The following NEK7 variants were observed in gnomAD, a reference collection of about 807,000 sequenced individuals.
The protein encoded by NEK7 is NIMA related kinase 7, also known as serine/threonine-protein kinase Nek7.
NEK7 carries 18 observed loss-of-function variants against 44.6 expected under a neutral mutation model. The ratio of observed to expected loss-of-function variants is 0.40; its 90% confidence interval spans 0.28 to 0.60. NEK7 has a LOEUF of 0.60. Among genes scored for constraint, NEK7 ranks in the 20% least tolerant of loss-of-function variants. The pLI is 0.38. For missense variants in NEK7, 256 were observed against 366.5 expected (o/e 0.70, Z 2.46); for synonymous variants, 130 against 121.1 (o/e 1.07, Z -0.48).
At chr1:198,261,051 C>T (rs1653445726) in intron 3 of NEK7, among the ~76,000 whole-genome samples, 1 of 151,904 alleles carries the variant, frequency 6.6e-6, no homozygotes, top group South Asian at 2.1e-4. Flanking sequence ...TGTAATTTTA[C>T]ACCCTTATTC....
intron 9 of NEK7, among the ~76,000 whole-genome samples, chr1:198,314,434 G>A (rs1166551185): frequency 6.6e-6 from 1 of 152,200 alleles, no homozygotes; most frequent in Admixed American, 6.5e-5. Flanking sequence ...CTCTCAGCTT[G>A]TCAAAGTCAT....
At chr1:198,236,286 G>GT (rs1464358309) in intron 2 of NEK7, among the ~76,000 whole-genome samples, 1 of 152,160 alleles carries the variant, frequency 6.6e-6, no homozygotes, top group Non-Finnish European at 1.5e-5. Flanking sequence ...TAGGCATTGA[G>GT]TAGAGTGCTT....
chr1:198,226,603 T>A (rs1666233778), intron 1 of NEK7, among the ~76,000 whole-genome samples: 1 of 152,062 alleles, frequency 6.6e-6, no homozygotes, highest in South Asian at 2.1e-4. Flanking sequence ...GCAAATAATT[T>A]TTATTCATCG....
Position 198,232,589 on chromosome 1 carries a change from G to A in NEK7, c.9G>A (p.Glu3=). MD[E]QSQGMQGPPV... ...TCCTGTTGCTTCAGACAATGGATGAGCAATCACAAGGAATGCAAGGGCCAC... is the reference window on the plus strand; with the variant it reads ...TCCTGTTGCTTCAGACAATGGATGAACAATCACAAGGAATGCAAGGGCCAC... The change falls in exon 2 of 10, where the codon GAG becomes GAA. Residue 3 remains glutamate (E), a synonymous_variant. Coordinates refer to ENST00000367385, the MANE Select transcript of NEK7 (RefSeq NM_133494.3). 2 of 1,603,474 alleles carry A rather than the reference G, an allele frequency of 1.2e-6. No individual in the cohort carries two copies. The highest frequency in any genetic ancestry group is 1.7e-6 in the Non-Finnish European group (2 of 1,170,734).
At chr1:198,190,464 A>ATACTG (rs1665042136) in intron 1 of NEK7, among the ~76,000 whole-genome samples, 1 of 152,228 alleles carries the variant, frequency 6.6e-6, no homozygotes, top group South Asian at 2.1e-4. Context: ...TATTAAGAGT[A>ATACTG]TACTGTTTTA....
intron 5 of NEK7, among the ~76,000 whole-genome samples, chr1:198,274,894 G>T (rs1322630102): frequency 6.6e-6 from 1 of 151,710 alleles, no homozygotes; most frequent in Non-Finnish European, 1.5e-5. Flanking sequence ...GAGACAGCTT[G>T]GATCAGCTAT....
chr1:198,218,815 A>G (rs187465114), intron 1 of NEK7, among the ~76,000 whole-genome samples: 1 of 152,130 alleles, frequency 6.6e-6, no homozygotes, highest in Non-Finnish European at 1.5e-5. Flanking sequence ...AATGCTCAAC[A>G]TCACTTATCA....
At chr1:198,224,365 AAG>A (rs1384937850) in intron 1 of NEK7, among the ~76,000 whole-genome samples, 1 of 152,214 alleles carries the variant, frequency 6.6e-6, no homozygotes, top group East Asian at 1.9e-4. Context: ...TTTGTAGCCT[AAG>A]AGCAATAGGT....
At chr1:198,256,348 G>A (rs72731918) in intron 3 of NEK7, 81,928 of 1,609,310 alleles carry the variant, frequency 0.051, 2,490 homozygotes, top group Middle Eastern at 0.06. Flanking sequence ...TACCTGTATG[G>A]GAAAGAAGAG....
chr1:198,296,680 A>G (rs1000887208), intron 8 of NEK7, among the ~76,000 whole-genome samples: 1 of 152,218 alleles, frequency 6.6e-6, no homozygotes, highest in Non-Finnish European at 1.5e-5. Flanking sequence ...GCAAGAGAAA[A>G]TGCTCTGCAT....
intron 7 of NEK7, among the ~76,000 whole-genome samples, chr1:198,280,267 G>A (rs1654154462): frequency 6.6e-6 from 1 of 151,980 alleles, no homozygotes; most frequent in African/African-American, 2.4e-5. Flanking sequence ...TTCCAAGCCA[G>A]GGCCATTTAT....
At chr1:198,283,001 C>T (rs1258720447) in intron 7 of NEK7, among the ~76,000 whole-genome samples, 2 of 151,932 alleles carry the variant, frequency 1.3e-5, no homozygotes, top group African/African-American at 4.8e-5. Flanking sequence ...GGGGCAAGTC[C>T]CTTCTGAGAA....
chr1:198,315,302 G>A (rs997121193), intron 9 of NEK7, among the ~76,000 whole-genome samples: 5 of 152,186 alleles, frequency 3.3e-5, no homozygotes, highest in African/African-American at 1.2e-4. Context: ...GCTCGCGCAT[G>A]GTGCGCGCAC....
At chr1:198,233,505 A>G (rs1009612815) in intron 2 of NEK7, among the ~76,000 whole-genome samples, 2 of 151,958 alleles carry the variant, frequency 1.3e-5, no homozygotes, top group South Asian at 4.2e-4. Context: ...TCTCATGTAT[A>G]CTCTGCTAAC....
At chr1:198,240,979 C>T (rs1666669811) in intron 2 of NEK7, among the ~76,000 whole-genome samples, 2 of 152,216 alleles carry the variant, frequency 1.3e-5, no homozygotes, top group Admixed American at 6.5e-5. Context: ...AGGCGTGAGC[C>T]ACCACTCCCG....
chr1:198,176,630 C>T (rs781141865), intron 1 of NEK7, among the ~76,000 whole-genome samples: 2 of 151,864 alleles, frequency 1.3e-5, no homozygotes, highest in Non-Finnish European at 2.9e-5. Context: ...ATAAGAATTT[C>T]ATTACTAACA....
chr1:198,161,444 G>C (rs1483699792), intron 1 of NEK7, among the ~76,000 whole-genome samples: 1 of 152,220 alleles, frequency 6.6e-6, no homozygotes, highest in Non-Finnish European at 1.5e-5. Flanking sequence ...TAGGTTGGTA[G>C]CTTTCCCCCA....
At chr1:198,198,672 C>T (rs1196034519) in intron 1 of NEK7, among the ~76,000 whole-genome samples, 1 of 152,190 alleles carries the variant, frequency 6.6e-6, no homozygotes, top group African/African-American at 2.4e-5. Context: ...TGGCCTGATT[C>T]TCAGCTCTTT....
rs114741246 is a variant in NEK7 at position 198,264,136 on chromosome 1, T to C, written c.273T>C (p.His91=). Residue 91 remains histidine, a synonymous_variant, in exon 5 of 10, where the codon CAT becomes CAC. Coordinates refer to ENST00000367385, the MANE Select transcript of NEK7 (RefSeq NM_133494.3). ...KEIDLLKQLN[H]PNVIKYYASF... is the part of the protein sequence containing the mutation. ...TTTTATTTTCTCAGCAACTCAACCA[T>C]CCAAATGTAATAAAATATTATGCAT... The C allele has an allele frequency of 1.2e-5, 19 of 1,592,752 alleles. No individual in the cohort carries two copies. Among genetic ancestry groups the C allele is most frequent in the Non-Finnish European group, 1.5e-5 (17 of 1,172,336 alleles).
Sources: allele counts gnomAD v4.1 joint callset (sites outside exome capture counted in the v4.1 genomes callset), GRCh38; gene constraint gnomAD v4.1.1; transcripts MANE v1.5; gene names NCBI Gene and HGNC (gene_info 2026-07-23, HGNC 2026-07-21).